Variants in EGFR observed in about 807,000 individuals in gnomAD.
EGFR encodes epidermal growth factor receptor, also known as avian erythroblastic leukemia viral (v-erb-b) oncogene homolog.
Under a neutral mutation model 143.0 loss-of-function variants are expected in EGFR, and 58 were observed. The ratio of observed to expected loss-of-function variants is 0.41; its 90% CI spans 0.33 to 0.50. The LOEUF (loss-of-function observed/expected upper bound fraction) is 0.50, where lower values mean the gene tolerates loss of function less well. Among genes scored for constraint, EGFR ranks in the 20% least tolerant of loss-of-function variants. The probability of loss-of-function intolerance (pLI) is 0.39; values close to 1 mark genes in which losing one functional copy is unlikely to be tolerated. For synonymous variants in EGFR, 613 were observed against 594.4 expected (o/e 1.03, Z -0.45); for missense variants, 1,307 against 1,579.0 (o/e 0.83, Z 2.92).
intron 4 of EGFR, 131 bp from the exon 5 acceptor site, chr7:55,151,163 C>T (rs2128932226): frequency 2.2e-6 from 2 of 925,798 alleles, no homozygotes; most frequent in South Asian, 1.4e-5. Flanking sequence ...AACCAGCCAG[C>T]CAAACAATCA....
At chr7:55,194,775 C>G (rs1387732056) in intron 22 of EGFR, among the ~76,000 whole-genome samples, 1 of 152,232 alleles carries the variant, frequency 6.6e-6, no homozygotes, top group East Asian at 1.9e-4. Flanking sequence ...GAAGTCCGTT[C>G]CCACTGAAAA....
At chr7:55,122,923 G>C (rs1315725800) in intron 1 of EGFR, among the ~76,000 whole-genome samples, 1 of 152,224 alleles carries the variant, frequency 6.6e-6, no homozygotes, top group African/African-American at 2.4e-5. Context: ...GCAGTGTCTT[G>C]TATTCAGTAT....
intron 1 of EGFR, among the ~76,000 whole-genome samples, chr7:55,052,914 A>G (rs1788574527): frequency 6.6e-6 from 1 of 152,114 alleles, no homozygotes; most frequent in Admixed American, 6.5e-5. Flanking sequence ...TGCTTCATCC[A>G]AGCAGGTCGA....
rs968582165 is a variant in EGFR at position 55,048,820 on chromosome 7, T to A, written c.88+29455T>A. Among the ~76,000 whole-genome samples the A allele has an allele frequency of 2.6e-5, 4 of 152,150 alleles. No individual in the cohort carries two copies. The East Asian group carries it at 7.7e-4, about 29-fold the overall frequency. On this transcript the variant is annotated intron_variant, in intron 1 of 27. Coordinates refer to ENST00000275493, the MANE Select transcript of EGFR (RefSeq NM_005228.5). Reference sequence around the variant, plus strand: ...ACTGATTCAAATTTCAACTGAGGAGTAAAATAAACTGAATAACTTAGAAAA... The same window carrying A: ...ACTGATTCAAATTTCAACTGAGGAGAAAAATAAACTGAATAACTTAGAAAA...
At chr7:55,145,610 C>A (rs2128928751) in intron 3 of EGFR, among the ~76,000 whole-genome samples, 1 of 152,326 alleles carries the variant, frequency 6.6e-6, no homozygotes, top group South Asian at 2.1e-4. Flanking sequence ...CCTCCTTTCC[C>A]ACGTTGGTAC....
chr7:55,092,684 C>T (rs1039688405), intron 1 of EGFR, among the ~76,000 whole-genome samples: 2 of 152,224 alleles, frequency 1.3e-5, no homozygotes, highest in East Asian at 1.9e-4. Context: ...AAAACAAGCT[C>T]GTAGTATTAG....
intron 1 of EGFR, among the ~76,000 whole-genome samples, chr7:55,028,023 T>TATATATATATATATAC (rs1271361412): frequency 9.0e-6 from 1 of 110,778 alleles, no homozygotes; most frequent in Non-Finnish European, 1.7e-5. Flanking sequence ...TATATATATA[T>TATATATATATATATAC]ATACACACAC....
chr7:55,201,237 G>T lies in EGFR; in HGVS notation c.2996G>T (p.Arg999Leu), dbSNP rs149248025. The change falls in exon 25 of 28, where the codon CGT becomes CTT. Residue 999 changes from arginine (R) to leucine (L), a missense_variant. Arg to Leu is a moderately radical substitution (Grantham distance 102). Around this residue, in one of 7 missense-constraint regions of EGFR, gnomAD observed 313 missense variants for 312.3 expected, o/e 1.00. Coordinates refer to ENST00000275493, the MANE Select transcript of EGFR (RefSeq NM_005228.5). ...LPSPTDSNFYRALMDEEDMDD... is the reference protein window; with the variant it reads ...LPSPTDSNFYLALMDEEDMDD... Reference sequence around the variant, plus strand: ...AGTCCTACAGACTCCAACTTCTACCGTGCCCTGATGGATGAAGAAGACATG... The same window carrying T: ...AGTCCTACAGACTCCAACTTCTACCTTGCCCTGATGGATGAAGAAGACATG... 4.3e-6 allele frequency: 7 copies of T among 1,614,112 alleles called. No homozygotes were observed. Among genetic ancestry groups the T allele is most frequent in the South Asian group, 2.2e-5 (2 of 91,076 alleles).
intron 19 of EGFR, among the ~76,000 whole-genome samples, chr7:55,175,023 A>C (rs952492286): frequency 6.6e-6 from 1 of 152,010 alleles, no homozygotes; most frequent in African/African-American, 2.4e-5. Context: ...GCTGGTATCC[A>C]CCCCAAAAGG....
At chr7:55,197,929 A>G (rs563754619) in intron 22 of EGFR, among the ~76,000 whole-genome samples, 499 of 152,258 alleles carry the variant, frequency 3.3e-3, no homozygotes, top group Non-Finnish European at 4.2e-3. Context: ...TTTTATGTCT[A>G]TGTTCATCAG....
intron 1 of EGFR, among the ~76,000 whole-genome samples, chr7:55,089,778 C>T (rs1049719240): frequency 2.6e-5 from 4 of 152,076 alleles, no homozygotes; most frequent in Non-Finnish European, 5.9e-5. Context: ...CCTGCCGGAG[C>T]CCATGTTTCT....
intron 15 of EGFR, 125 bp from the exon 16 acceptor site, chr7:55,171,048 CAT>C (rs1786326029): frequency 1.2e-5 from 19 of 1,528,774 alleles, no homozygotes; most frequent in Non-Finnish European, 1.3e-5. Flanking sequence ...CATCCAGACA[CAT>C]AGTGATTTTA....
rs1456341220 is a variant in EGFR, at chr7:55,207,186, A to G, written c.*1569A>G. On this transcript the variant is annotated 3_prime_UTR_variant, in exon 28 of 28. Transcript: ENST00000275493. ...ATGGTTCAGAAAATATTTTCAGCCT[A>G]CAGTTATGTTCAGTCACACACACAT... The G allele has an allele frequency of 4.3e-6, 1 of 232,878 alleles. No individual in the cohort carries two copies. Among genetic ancestry groups the G allele is most frequent in the Non-Finnish European group, 8.5e-6 (1 of 117,892 alleles). 14.4% of individuals were successfully genotyped at this position (232,878 alleles called of 1,614,324 possible).
intron 1 of EGFR, among the ~76,000 whole-genome samples, chr7:55,048,861 AT>A (rs1788325109): frequency 6.6e-6 from 1 of 152,190 alleles, no homozygotes; most frequent in Non-Finnish European, 1.5e-5. Flanking sequence ...CTTCTTTTGA[AT>A]GACTCTAAGA....
At chr7:55,087,129 G>T (rs929821082) in intron 1 of EGFR, among the ~76,000 whole-genome samples, 5 of 152,024 alleles carry the variant, frequency 3.3e-5, no homozygotes, top group Non-Finnish European at 7.4e-5. Context: ...GCTATTTAGA[G>T]CTGACCACAA....
chr7:55,044,283 C>A (rs1426832252), intron 1 of EGFR, among the ~76,000 whole-genome samples: 1 of 152,196 alleles, frequency 6.6e-6, no homozygotes, highest in Non-Finnish European at 1.5e-5. Context: ...ACTATTCTTT[C>A]TTTTGGTAGC....
At chr7:55,170,384 G>A (rs1786284285) in intron 15 of EGFR, 1 of 1,614,212 alleles carries the variant, frequency 6.2e-7, no homozygotes, top group Non-Finnish European at 8.5e-7. Context: ...AATGATGGCA[G>A]CGTGTCCCAC....
At chr7:55,157,540 C>T in intron 10 of EGFR, 123 bp from the exon 11 acceptor site, 4 of 844,348 alleles carry the variant, frequency 4.7e-6, no homozygotes, top group Non-Finnish European at 7.9e-6. Context: ...AAAAAGAAAG[C>T]AAATCCAATT....
chr7:55,187,046 A>C (rs1485741951), intron 20 of EGFR, among the ~76,000 whole-genome samples: 2 of 152,186 alleles, frequency 1.3e-5, no homozygotes, highest in African/African-American at 4.8e-5. Context: ...GGCTGCGGAC[A>C]GGGCGTGAAG....
Sources: allele counts gnomAD v4.1 joint callset (sites outside exome capture counted in the v4.1 genomes callset), GRCh38; gene constraint gnomAD v4.1.1; regional missense constraint gnomAD v4.1.1; transcripts MANE v1.5; gene names NCBI Gene and HGNC (gene_info 2026-07-23, HGNC 2026-07-21).